OR51E2: variants seen among roughly 807,000 people sequenced by gnomAD.
The protein encoded by OR51E2 is olfactory receptor family 51 subfamily E member 2.
OR51E2 carries 14 observed loss-of-function variants against 13.7 expected under a neutral mutation model. That is an observed-to-expected ratio of 1.02 (90% confidence interval 0.68 to 1.60). The LOEUF (loss-of-function observed/expected upper bound fraction) is 1.60. Among genes scored for constraint, OR51E2 ranks in the 40% most tolerant of loss-of-function variants. The probability of loss-of-function intolerance (pLI) is 0.00; values close to 1 mark genes in which losing one functional copy is unlikely to be tolerated. For missense variants in OR51E2, 483 were observed against 413.8 expected (o/e 1.17, Z -1.45); for synonymous variants, 180 against 157.6 (o/e 1.14, Z -1.07).
At position 4,695,682 on chromosome 11, in the gene OR51E2, T is replaced by C. The variant is rs115250044; in HGVS notation, c.-51+1971A>G. On this transcript the variant is annotated intron_variant, in intron 1 of 1. Coordinates refer to ENST00000396950, the MANE Select transcript of OR51E2 (RefSeq NM_030774.4). ...GTCCAAAAGTTTAATCTCAGATTTG[T>C]TTTTCTCTCCCTCATCTCAACTTTC... 2.5e-3 allele frequency among the ~76,000 whole-genome samples: 381 copies of C among 152,282 alleles called. 2 individuals are homozygous for C. The highest frequency in any genetic ancestry group is 8.7e-3 in the African/African-American group (362 of 41,584).
chr11:4,691,015 C>T (rs924750835), intron 1 of OR51E2: 16 of 455,718 alleles, frequency 3.5e-5, no homozygotes, highest in Admixed American at 7.1e-5. Flanking sequence ...GGGGAAGCAA[C>T]GCTAAGGACA....
intron 1 of OR51E2, among the ~76,000 whole-genome samples, chr11:4,689,467 G>C (rs1847552385): frequency 1.3e-5 from 2 of 152,166 alleles, no homozygotes; most frequent in Non-Finnish European, 2.9e-5. Flanking sequence ...GCAGTTGGCA[G>C]AGATCTCCAT....
rs374570992 is a variant in OR51E2 at position 4,682,314 on chromosome 11, G to T, written c.398C>A (p.Ala133Glu). 24 of 1,614,116 alleles carry T rather than the reference G, an allele frequency of 1.5e-5. No homozygotes were observed. The highest frequency in any genetic ancestry group is 2.0e-5 in the Non-Finnish European group (24 of 1,180,046). Residue 133 changes from alanine (A) to glutamate (E), a missense_variant, in exon 2 of 2, where the codon GCA becomes GAA. By Grantham distance (107) the Ala-to-Glu change is moderately radical. Coordinates refer to ENST00000396950, the MANE Select transcript of OR51E2 (RefSeq NM_030774.4). ...GGCTGTTACTGTATTGTTGAGCACT[G>T]CAGCATGGCGCAGTGGGTGGCAGAT... ...VAICHPLRHA[A>E]VLNNTVTAQI...
rs566495802 is a variant in OR51E2 at position 4,697,742 on chromosome 11, A to T, written c.-140T>A. On this transcript the variant is annotated 5_prime_UTR_variant, in exon 1 of 2. It adds an upstream start codon to the 5' untranslated region. Transcript: ENST00000396950. ...ATTCCAGGGGAGGGCCGAGCTTGCA[A>T]ATATGAGGAGACTTATTCCAGCCTG... 6.5e-6 allele frequency: 1 copy of T among 152,790 alleles called. No individual in the cohort carries two copies. Among genetic ancestry groups the T allele is most frequent in the African/African-American group, 2.4e-5 (1 of 41,588 alleles). The allele number at this position is 152,790 out of a possible 1,614,324, so 9.5% of individuals were successfully genotyped here. A position where few individuals can be genotyped will look rare whatever the true frequency, so the allele number is the denominator to read the frequency against.
chr11:4,681,293 A>G lies in OR51E2; in HGVS notation c.*456T>C, dbSNP rs1412994887. The G allele has an allele frequency of 1.2e-5, 2 of 169,906 alleles. No individual in the cohort carries two copies. The highest frequency in any genetic ancestry group is 2.5e-5 in the Non-Finnish European group (2 of 78,680). 10.5% of individuals were successfully genotyped at this position (169,906 alleles called of 1,614,324 possible). A position where few individuals can be genotyped will look rare whatever the true frequency, so the allele number is the denominator to read the frequency against. ...CTTCAACATGGGATGTGGAGGTTGC[A>G]GTGAGCCGAGATCGCGCCACTGCAC... On this transcript the variant is annotated 3_prime_UTR_variant, in exon 2 of 2. Transcript: ENST00000396950.
chr11:4,696,466 C>A (rs1802493331), intron 1 of OR51E2, among the ~76,000 whole-genome samples: 1 of 152,114 alleles, frequency 6.6e-6, no homozygotes, highest in Admixed American at 6.5e-5. Context: ...AAGATGAGAA[C>A]CTCGGGAGGT....
chr11:4,686,621 C>G (rs1040430905), intron 1 of OR51E2, among the ~76,000 whole-genome samples: 1 of 152,164 alleles, frequency 6.6e-6, no homozygotes, highest in Non-Finnish European at 1.5e-5. Context: ...ATAGCATTTC[C>G]TCATCCTTCA....
In OR51E2 at chr11:4,694,490, A is replaced by G. The variant is rs966939598; in HGVS notation, c.-51+3163T>C. ...CTAAACTATACATATATATACGTGT[A>G]TATATATATATACACACACATATAT... is the stretch of plus-strand genomic sequence containing the variant. On this transcript the variant is annotated intron_variant, in intron 1 of 1. Coordinates refer to ENST00000396950, the MANE Select transcript of OR51E2 (RefSeq NM_030774.4). Among the ~76,000 whole-genome samples the G allele has an allele frequency of 3.5e-5, 5 of 143,416 alleles. No homozygotes were observed. The East Asian group carries it at 7.8e-4, about 22-fold the overall frequency. The allele number at this position is 143,416 out of a possible 152,430, so 94.1% of individuals were successfully genotyped here. A position where few individuals can be genotyped will look rare whatever the true frequency, so the allele number is the denominator to read the frequency against.
chr11:4,692,603 A>G lies in OR51E2; in HGVS notation c.-51+5050T>C, dbSNP rs572204385. On this transcript the variant is annotated intron_variant, in intron 1 of 1. Transcript: ENST00000396950. ...AGTAGAGAATTGCAGAAAGGTAGAT[A>G]GATGGGTATGGTTGAGTTGAAGACG... 3.3e-5 allele frequency among the ~76,000 whole-genome samples: 5 copies of G among 152,356 alleles called. No homozygotes were observed. In the East Asian group the frequency reaches 9.6e-4, roughly 29 times the overall value.
chr11:4,691,022 G>A, intron 1 of OR51E2: 1 of 456,418 alleles, frequency 2.2e-6, no homozygotes, highest in Non-Finnish European at 4.4e-6. Context: ...CAACGCTAAG[G>A]ACAGTCCTAA....
intron 1 of OR51E2, chr11:4,690,310 C>T (rs1847561693): frequency 6.6e-6 from 1 of 152,398 alleles, no homozygotes; most frequent in Non-Finnish European, 1.5e-5. Flanking sequence ...ACACTTAGAA[C>T]CATGACTTGT....
At chr11:4,695,073 T>C (rs1471310825) in intron 1 of OR51E2, among the ~76,000 whole-genome samples, 3 of 152,156 alleles carry the variant, frequency 2.0e-5, no homozygotes, top group African/African-American at 7.2e-5. Context: ...GGCTAGGTGC[T>C]GTGGGAAATG....
At chr11:4,695,051 T>C (rs1453924682) in intron 1 of OR51E2, among the ~76,000 whole-genome samples, 2 of 152,116 alleles carry the variant, frequency 1.3e-5, no homozygotes, top group Non-Finnish European at 1.5e-5. Context: ...TATATCGAAG[T>C]CTTAAATGTG....
intron 1 of OR51E2, among the ~76,000 whole-genome samples, chr11:4,684,907 G>C (rs1019444490): frequency 5.9e-5 from 9 of 152,016 alleles, no homozygotes; most frequent in Admixed American, 2.6e-4. Flanking sequence ...TGTTAGCTAA[G>C]ACTCTGGGAC....
rs1332675299 is a variant in OR51E2, at chr11:4,682,279, T to C, written c.433A>G (p.Ile145Val). The change falls in exon 2 of 2, where the codon ATC (isoleucine) becomes GTC (valine). Residue 145 changes from isoleucine (I) to valine (V), a missense_variant. Transcript: ENST00000396950. ...LNNTVTAQIGIVAVVRGSLFF... is the reference protein window; with the variant it reads ...LNNTVTAQIGVVAVVRGSLFF... ...AGGGATCCGCGGACCACAGCCACGATGCCAATCTGGGCTGTTACTGTATTG... is the reference window on the plus strand; with the variant it reads ...AGGGATCCGCGGACCACAGCCACGACGCCAATCTGGGCTGTTACTGTATTG... The C allele has an allele frequency of 6.2e-7, 1 of 1,614,056 alleles. No individual in the cohort carries two copies. Among genetic ancestry groups the C allele is most frequent in the Non-Finnish European group, 8.5e-7 (1 of 1,180,040 alleles).
chr11:4,684,535 G>A (rs1172751318), intron 1 of OR51E2, among the ~76,000 whole-genome samples: 1 of 152,164 alleles, frequency 6.6e-6, no homozygotes, highest in Non-Finnish European at 1.5e-5. Flanking sequence ...GAGCAGGCAT[G>A]GAGGGAGAGC....
At chr11:4,692,227 T>A (rs1455900757) in intron 1 of OR51E2, 6 of 440,878 alleles carry the variant, frequency 1.4e-5, no homozygotes, top group African/African-American at 1.2e-4. Flanking sequence ...AAGAAAGAGA[T>A]CATTATAATA....
rs201473043 is a variant in OR51E2 at position 4,681,700 on chromosome 11, A to G, written c.*49T>C. 1 of 1,597,590 alleles carries G rather than the reference A, an allele frequency of 6.3e-7. No homozygotes were observed. The highest frequency in any genetic ancestry group is 2.2e-5 in the East Asian group (1 of 44,598). On this transcript the variant is annotated 3_prime_UTR_variant, in exon 2 of 2. Transcript: ENST00000396950. The stretch of plus-strand genomic sequence containing the variant: ...TGGAAATAAGCTAGTGTTAGAAATA[A>G]TTATGTTTATCAAGCCAATAAAGAT...
chr11:4,682,041 A>G lies in OR51E2; in HGVS notation c.671T>C (p.Val224Ala), dbSNP rs1847457651. The G allele has an allele frequency of 6.2e-7, 1 of 1,614,114 alleles. No individual in the cohort carries two copies. The highest frequency in any genetic ancestry group is 1.3e-5 in the African/African-American group (1 of 74,936). ...CTCTGACTTGGAAGGCAGTTGCAGA[A>G]CCGTTCGTATTATCAGAAAATAGGA... ...SLSYFLIIRT[V>A]LQLPSKSERA... Residue 224 changes from valine (V) to alanine (A), a missense_variant, in exon 2 of 2, where the codon GTT becomes GCT. Physicochemically the swap from Val to Ala is moderately conservative, Grantham distance 64 (BLOSUM62 0). Transcript: ENST00000396950.
Sources: gnomAD v4.1 joint callset for allele counts (sites outside exome capture counted in the v4.1 genomes callset) on GRCh38, gnomAD v4.1.1 for gene constraint, MANE v1.5 for transcripts, NCBI Gene and HGNC (gene_info 2026-07-23, HGNC 2026-07-21) for gene names.